Variants in ZNF701 observed in about 807,000 individuals in gnomAD.
ZNF701 encodes zinc finger protein 701.
A neutral mutation model predicts 7.1 loss-of-function variants in ZNF701; 6 were observed. The ratio of observed to expected loss-of-function variants is 0.84; its 90% CI spans 0.46 to 1.66. ZNF701 has a LOEUF of 1.66. Among genes scored for constraint, ZNF701 ranks in the 40% most tolerant of loss-of-function variants. The pLI is 0.01. For missense variants in ZNF701, 541 were observed against 559.2 expected, an observed-to-expected ratio of 0.97 and a Z score of 0.33; for synonymous variants, 166 against 188.2, an observed-to-expected ratio of 0.88 and a Z score of 0.97.
chr19:52,582,779 CAA>C lies in ZNF701; in HGVS notation c.722_723del (p.Lys241ThrfsTer3). Reference protein sequence around the residue: ...KKHQIIHLGDKQYKCDVCGKD... With the variant: ...KKHQIIHLGDXQYKCDVCGKD... ...AACATCAGATAATCCATTTAGGAGA[CAA>C]ACAGTATAAATGTGATGTATGCGGC... On this transcript the variant is annotated frameshift_variant, in exon 4 of 4. Transcript: ENST00000391785. LOFTEE classifies it low-confidence loss of function (END_TRUNC). 3 of 1,614,000 alleles carry C rather than the reference CAA, an allele frequency of 1.9e-6. No homozygotes were observed. The South Asian group carries it at 3.3e-5, about 18-fold the overall frequency.
chr19:52,577,846 T>G (rs2059945708), intron 3 of ZNF701, among the ~76,000 whole-genome samples: 1 of 152,124 alleles, frequency 6.6e-6, no homozygotes. Flanking sequence ...GTGCTGTGCT[T>G]CAATGGTCAT....
chr19:52,582,290 T>G lies in ZNF701; in HGVS notation c.231T>G (p.His77Gln), dbSNP rs775721436. 96 of 1,613,752 alleles carry G rather than the reference T, an allele frequency of 5.9e-5. No individual in the cohort carries two copies. The highest frequency in any genetic ancestry group is 7.3e-5 in the Non-Finnish European group (86 of 1,179,884). ...TCCACACAGGGACATTGCAAATACA[T>G]GCAAGTCATCACATTGGAGATACTT... ...EVVHTGTLQI[H>Q]ASHHIGDTCF... The change falls in exon 4 of 4, where the codon CAT (histidine) becomes CAG (glutamine). Residue 77 changes from histidine (H) to glutamine (Q), a missense_variant. His to Gln is a conservative substitution (Grantham distance 24). Transcript: ENST00000391785.
Position 52,583,854 on chromosome 19 carries a change from C to A in ZNF701, c.*397C>A. The A allele has an allele frequency of 2.0e-6, 1 of 505,078 alleles. No homozygotes were observed. Among genetic ancestry groups the A allele is most frequent in the Non-Finnish European group, 3.8e-6 (1 of 262,658 alleles). 31.3% of individuals were successfully genotyped at this position (505,078 alleles called of 1,614,324 possible). ...AGCCATTGCAAAACATTGGAGAATC[C>A]ATAATGAAGGAGGTCTTACAAGTGT... On this transcript the variant is annotated 3_prime_UTR_variant, in exon 4 of 4. Transcript: ENST00000391785.
rs1238277258 is a variant in ZNF701, at chr19:52,582,335, A to T, written c.276A>T (p.Lys92Asn). 6.2e-7 allele frequency: 1 copy of T among 1,613,994 alleles called. No homozygotes were observed. The highest frequency in any genetic ancestry group is 2.2e-5 in the East Asian group (1 of 44,876). Residue 92 changes from lysine to asparagine, a missense_variant, in exon 4 of 4, where the codon AAA becomes AAT. Coordinates refer to ENST00000391785, the MANE Select transcript of ZNF701 (RefSeq NM_018260.3). ...ATACTTGCTTCCAGGAAATTGAGAA[A>T]GATATTCATGACTTTGTGTTTCAGT... ...IGDTCFQEIE[K>N]DIHDFVFQWQ...
downstream of ZNF701, among the ~76,000 whole-genome samples, chr19:52,591,335 C>A (rs149470199): frequency 6.6e-6 from 1 of 151,752 alleles, no homozygotes; most frequent in East Asian, 1.9e-4. Flanking sequence ...TTTCCCCCAC[C>A]GTGCCTAGCA....
chr19:52,571,377 A>C (rs546511), intron 1 of ZNF701, among the ~76,000 whole-genome samples: 128,082 of 151,784 alleles, frequency 0.84, 54,547 homozygotes, highest in African/African-American at 0.91. Flanking sequence ...ACGGGGGGTA[A>C]AACAGAGAAG....
At chr19:52,593,721 C>T in the ZNF701 span, among the ~76,000 whole-genome samples, 8 of 106,380 alleles carry the variant, frequency 7.5e-5, 1 homozygote, top group South Asian at 3.4e-4. Flanking sequence ...ACTTCTCAGA[C>T]GGGGCGGCCG....
In ZNF701 at chr19:52,571,353, G is replaced by A. The variant is rs559442769; in HGVS notation, c.-72+1023G>A. Among the ~76,000 whole-genome samples, 130 of 152,148 alleles carry A rather than the reference G, an allele frequency of 8.5e-4. No homozygotes were observed. In the South Asian group the frequency reaches 0.012, roughly 14 times the overall value. On this transcript the variant is annotated intron_variant, in intron 1 of 3. Transcript: ENST00000391785. ...GGGAGGACGCCTGGGGATCTGGGGT[G>A]CTAGAGAGTGGGGACGGGGGGTAAA...
the ZNF701 span, among the ~76,000 whole-genome samples, chr19:52,593,883 A>G: frequency 1.9e-5 from 2 of 106,618 alleles, no homozygotes; most frequent in African/African-American, 7.4e-5. Context: ...ATGGGCGGCC[A>G]GGCAGAGACG....
At chr19:52,572,068 C>T (rs996912858) in intron 1 of ZNF701, among the ~76,000 whole-genome samples, 2 of 151,986 alleles carry the variant, frequency 1.3e-5, no homozygotes, top group African/African-American at 4.8e-5. Flanking sequence ...GGTGATCTGC[C>T]CACCTCGGCT....
chr19:52,591,689 G>C (rs1055605586), downstream of ZNF701, among the ~76,000 whole-genome samples: 1 of 152,130 alleles, frequency 6.6e-6, no homozygotes, highest in Non-Finnish European at 1.5e-5. Flanking sequence ...TCAAGTAGCT[G>C]GGATTACAGG....
the ZNF701 span, among the ~76,000 whole-genome samples, chr19:52,595,448 T>C: frequency 1.9e-4 from 29 of 152,138 alleles, no homozygotes; most frequent in Admixed American, 3.3e-4. Context: ...TTTTTTGTAT[T>C]TTTAGTACAG....
At chr19:52,581,893 G>A (rs1044056825) in intron 3 of ZNF701, among the ~76,000 whole-genome samples, 23 of 152,088 alleles carry the variant, frequency 1.5e-4, no homozygotes, top group African/African-American at 4.3e-4. Context: ...ACAGTGATAC[G>A]TCTTTTGCAA....
Position 52,582,622 on chromosome 19 carries a change from T to C in ZNF701, c.563T>C (p.Ile188Thr). ...QRISCRPKTRISNKYRNNFLQ... is the reference protein window; with the variant it reads ...QRISCRPKTRTSNKYRNNFLQ... ...ATTTCCTGTAGGCCAAAAACTCGTA[T>C]TTCTAATAAGTATAGGAATAATTTC... The change falls in exon 4 of 4, where the codon ATT becomes ACT. Residue 188 changes from isoleucine to threonine, a missense_variant. Ile to Thr is a moderately conservative substitution (Grantham distance 89). Transcript: ENST00000391785. 1 of 1,614,222 alleles carries C rather than the reference T, an allele frequency of 6.2e-7. No homozygotes were observed. Among genetic ancestry groups the C allele is most frequent in the Non-Finnish European group, 8.5e-7 (1 of 1,180,046 alleles).
the ZNF701 span, among the ~76,000 whole-genome samples, chr19:52,599,052 G>A: frequency 2.6e-5 from 4 of 151,340 alleles, no homozygotes; most frequent in South Asian, 2.1e-4. Context: ...TTTTTAGACA[G>A]AGTTTTTCTC....
rs748176936 is a variant in ZNF701 at position 52,583,337 on chromosome 19, A to G, written c.1278A>G (p.Ala426=). ...TTTTTAATCACAAATCAAACCTTGC[A>G]TGTCATCGTAGACTTCATACTGGAG... ...GKVFNHKSNL[A]CHRRLHTGEK... Residue 426 remains alanine, a synonymous_variant, in exon 4 of 4, where the codon GCA becomes GCG. Coordinates refer to ENST00000391785, the MANE Select transcript of ZNF701 (RefSeq NM_018260.3). The G allele has an allele frequency of 1.2e-6, 2 of 1,604,824 alleles. No homozygotes were observed. Among genetic ancestry groups the G allele is most frequent in the African/African-American group, 2.7e-5 (2 of 74,870 alleles).
intron 1 of ZNF701, among the ~76,000 whole-genome samples, chr19:52,571,172 A>G (rs2059895867): frequency 6.6e-6 from 1 of 152,018 alleles, no homozygotes; most frequent in Non-Finnish European, 1.5e-5. Flanking sequence ...CTAGATGTAC[A>G]GAGAGATGAA....
chr19:52,593,607 G>A, the ZNF701 span, among the ~76,000 whole-genome samples: 1 of 113,694 alleles, frequency 8.8e-6, no homozygotes, highest in African/African-American at 3.5e-5. Context: ...CAGACGGGGT[G>A]GCTGCTGGGC....
rs1212527807 is a variant in ZNF701, at chr19:52,582,769, A to T, written c.710A>T (p.His237Leu). 1 of 1,614,092 alleles carries T rather than the reference A, an allele frequency of 6.2e-7. No individual in the cohort carries two copies. The highest frequency in any genetic ancestry group is 8.5e-7 in the Non-Finnish European group (1 of 1,180,052). ...CTCTTAAAAAAACATCAGATAATCC[A>T]TTTAGGAGACAAACAGTATAAATGT... ...SSLLKKHQII[H>L]LGDKQYKCDV... Residue 237 changes from histidine to leucine, a missense_variant, in exon 4 of 4, where the codon CAT (histidine) becomes CTT (leucine). Coordinates refer to ENST00000391785, the MANE Select transcript of ZNF701 (RefSeq NM_018260.3).
Sources: gnomAD v4.1 joint callset for allele counts (sites outside exome capture counted in the v4.1 genomes callset) on GRCh38, gnomAD v4.1.1 for gene constraint, MANE v1.5 for transcripts, NCBI Gene and HGNC (gene_info 2026-07-23, HGNC 2026-07-21) for gene names.